Variants in CELF2 observed in about 807,000 individuals in gnomAD.
CELF2 encodes CUG triplet repeat RNA-binding protein 2.
In CELF2, 8 loss-of-function variants were observed where a neutral mutation model predicts 62.6. The ratio of observed to expected loss-of-function variants is 0.13; its 90% CI spans 0.07 to 0.23. CELF2 has a LOEUF of 0.23. Among genes scored for constraint, CELF2 ranks in the 10% least tolerant of loss-of-function variants. The pLI is 1.00. For synonymous variants in CELF2, 258 were observed against 250.0 expected (o/e 1.03, Z -0.30); for missense variants, 333 against 671.0 (o/e 0.50, Z 5.56).
Position 11,334,212 on chromosome 10 carries a change from G to A in CELF2, c.*5159G>A, listed in dbSNP as rs1010947793. 1 of 152,574 alleles carries A rather than the reference G, an allele frequency of 6.6e-6. No homozygotes were observed. The highest frequency in any genetic ancestry group is 1.5e-5 in the Non-Finnish European group (1 of 68,020). 9.5% of individuals were successfully genotyped at this position (152,574 alleles called of 1,614,324 possible). A position where few individuals can be genotyped will look rare whatever the true frequency, so the allele number is the denominator to read the frequency against. The stretch of plus-strand genomic sequence containing the variant: ...AAACTTTAGGGTTTGCTTTTTTGCT[G>A]TTTAGATCAAAGTTTTTTCTGATTC... On this transcript the variant is annotated 3_prime_UTR_variant, in exon 13 of 13. Transcript: ENST00000633077.
intron 1 of CELF2, among the ~76,000 whole-genome samples, chr10:11,134,314 T>C (rs17448853): frequency 0.075 from 11,421 of 152,292 alleles, 548 homozygotes; most frequent in Middle Eastern, 0.16. Context: ...TAGGTGAGTT[T>C]GGATTCTGTA....
At chr10:10,612,501 T>C in the CELF2 span, among the ~76,000 whole-genome samples, 1 of 151,956 alleles carries the variant, frequency 6.6e-6, no homozygotes, top group Non-Finnish European at 1.5e-5. Context: ...AAATGAACCA[T>C]TCTGATTAGC....
chr10:10,620,067 A>G, the CELF2 span, among the ~76,000 whole-genome samples: 1 of 152,354 alleles, frequency 6.6e-6, no homozygotes, highest in East Asian at 1.9e-4. Flanking sequence ...TGAATTCCAT[A>G]TTAGAAAAAA....
chr10:11,171,461 C>T (rs2068834668), intron 2 of CELF2: 1 of 152,662 alleles, frequency 6.6e-6, no homozygotes, highest in African/African-American at 2.4e-5. Flanking sequence ...TTGTCTCAAT[C>T]TCTCTCTAGT....
chr10:11,044,689 C>A (rs2062496025), intron 1 of CELF2, among the ~76,000 whole-genome samples: 1 of 152,074 alleles, frequency 6.6e-6, no homozygotes, highest in South Asian at 2.1e-4. Flanking sequence ...CGATAATAGC[C>A]TTTTATTACA....
the CELF2 span, among the ~76,000 whole-genome samples, chr10:10,756,945 C>G: frequency 6.6e-6 from 1 of 151,812 alleles, no homozygotes; most frequent in Non-Finnish European, 1.5e-5. Flanking sequence ...AGTTCAAGAA[C>G]AGCCTGGCCA....
chr10:10,651,813 G>A, the CELF2 span, among the ~76,000 whole-genome samples: 52 of 151,806 alleles, frequency 3.4e-4, no homozygotes, highest in East Asian at 2.3e-3. Flanking sequence ...AAAGCAGAGC[G>A]CCTCTCCTCC....
At position 10,988,048 on chromosome 10, in the gene CELF2, G is replaced by A. The variant is rs372640139; in HGVS notation, c.89+68049G>A. Among the ~76,000 whole-genome samples, 656 of 152,186 alleles carry A rather than the reference G, an allele frequency of 4.3e-3. 8 individuals are homozygous for A. The highest frequency in any genetic ancestry group is 0.015 in the African/African-American group (628 of 41,520). ...TAGGACAATCACTATGGAAAAGTATGGGGATTCCTTAAAGAACTAAAAGTG... is the reference window on the plus strand; with the variant it reads ...TAGGACAATCACTATGGAAAAGTATAGGGATTCCTTAAAGAACTAAAAGTG... On this transcript the variant is annotated intron_variant, in intron 2 of 13. Transcript: ENST00000636488.
intron 1 of CELF2, among the ~76,000 whole-genome samples, chr10:11,132,369 C>G (rs1238926766): frequency 6.6e-6 from 1 of 152,136 alleles, no homozygotes; most frequent in East Asian, 1.9e-4. Context: ...GAGCAAAAGC[C>G]TAGCATGTAA....
the CELF2 span, among the ~76,000 whole-genome samples, chr10:10,702,626 C>T: frequency 1.3e-5 from 2 of 152,244 alleles, no homozygotes; most frequent in Admixed American, 6.5e-5. Flanking sequence ...ACTCTGTCAC[C>T]CAGGCTGGAG....
chr10:10,478,093 C>A, the CELF2 span, among the ~76,000 whole-genome samples: 1 of 152,066 alleles, frequency 6.6e-6, no homozygotes, highest in African/African-American at 2.4e-5. Flanking sequence ...TCTTACATAC[C>A]CTTCCAGGAA....
the CELF2 span, among the ~76,000 whole-genome samples, chr10:10,511,622 G>A: frequency 6.6e-6 from 1 of 152,066 alleles, no homozygotes. Flanking sequence ...TATGTGTAGT[G>A]GATATCAGTA....
In CELF2 at chr10:10,948,695, G is replaced by A. The variant is rs559635385; in HGVS notation, c.89+28696G>A. Among the ~76,000 whole-genome samples, 11 of 152,126 alleles carry A rather than the reference G, an allele frequency of 7.2e-5. No homozygotes were observed. In the South Asian group the frequency reaches 1.9e-3, roughly 26 times the overall value. The stretch of plus-strand genomic sequence containing the variant: ...ATGGTTTCCTTTCTGCACAATAGTC[G>A]GAACCTCTGAGCCCTTCCTCTTCAT... On this transcript the variant is annotated intron_variant, in intron 2 of 13. Coordinates refer to the CELF2 transcript ENST00000636488.
At chr10:11,095,387 C>T (rs2049521955) in intron 1 of CELF2, among the ~76,000 whole-genome samples, 1 of 152,164 alleles carries the variant, frequency 6.6e-6, no homozygotes, top group Admixed American at 6.5e-5. Context: ...GTAAATGTGA[C>T]TGAGGACCGT....
In CELF2 at chr10:11,165,828, G is replaced by T; in HGVS notation, c.271+146G>T. The T allele has an allele frequency of 2.7e-6, 2 of 753,218 alleles. No homozygotes were observed. The highest frequency in any genetic ancestry group is 4.0e-4 in the Middle Eastern group (1 of 2,514). The allele number at this position is 753,218 out of a possible 1,614,324, so 46.7% of individuals were successfully genotyped here. A position where few individuals can be genotyped will look rare whatever the true frequency, so the allele number is the denominator to read the frequency against. ...GTGCTGGCGGCCCCTGTGCTCCAGG[G>T]GCTGCTCCCGACTCCTCCCCGCACC... On this transcript the variant is annotated intron_variant, in intron 2 of 12. Coordinates refer to ENST00000633077, the MANE Select transcript of CELF2 (RefSeq NM_001326342.2). This position sits in a 1 kb window ranked among gnomAD's most constrained non-coding sequence, Gnocchi z 7.4.
At chr10:11,146,704 T>G (rs1285821967) in intron 1 of CELF2, among the ~76,000 whole-genome samples, 17 of 152,230 alleles carry the variant, frequency 1.1e-4, no homozygotes, top group Admixed American at 8.5e-4. Context: ...TCTCATAATC[T>G]AAGAGGACTT....
At chr10:10,835,531 C>T (rs564194393) in intron 1 of CELF2, among the ~76,000 whole-genome samples, 6 of 152,054 alleles carry the variant, frequency 3.9e-5, no homozygotes, top group Admixed American at 3.9e-4. Flanking sequence ...TACAGATGCC[C>T]GAAACCACAC....
In CELF2 at chr10:10,955,654, G is replaced by A. The variant is rs534653537; in HGVS notation, c.89+35655G>A. Among the ~76,000 whole-genome samples the A allele has an allele frequency of 1.4e-3, 220 of 152,330 alleles. 1 individual carries two copies. Among genetic ancestry groups the A allele is most frequent in the African/African-American group, 4.6e-3 (190 of 41,574 alleles). ...GAATACTGCGCCCAGGTCACACAGC[G>A]AGTAAAGTGAGCTGGGGCTGAAATT... On this transcript the variant is annotated intron_variant, in intron 2 of 13. Coordinates refer to the CELF2 transcript ENST00000636488.
the CELF2 span, among the ~76,000 whole-genome samples, chr10:10,549,702 C>G: frequency 6.6e-6 from 1 of 152,162 alleles, no homozygotes; most frequent in East Asian, 1.9e-4. Context: ...TAAGATGGCA[C>G]CAGTCATACT....
Sources: gnomAD v4.1 joint callset for allele counts (sites outside exome capture counted in the v4.1 genomes callset) on GRCh38, gnomAD v4.1.1 for gene constraint, Gnocchi (gnomAD v3.1) non-coding constraint, MANE v1.5 for transcripts, NCBI Gene and HGNC (gene_info 2026-07-23, HGNC 2026-07-21) for gene names.